The following KIF17 variants were observed in gnomAD, a reference collection of about 807,000 sequenced individuals.
KIF17 encodes kinesin family member 17, also known as kinesin-like protein KIF17.
In KIF17, 80 loss-of-function variants were observed where a neutral mutation model predicts 96.8. The ratio of observed to expected loss-of-function variants is 0.83; its 90% CI spans 0.69 to 1.00. KIF17 has a LOEUF of 1.00. KIF17 is among the 50% of genes least tolerant of loss of function. The pLI, the probability that KIF17 is intolerant of heterozygous loss-of-function variation, is 0.00. For missense variants in KIF17, 1,280 were observed against 1,372.9 expected (o/e 0.93, Z 1.07); for synonymous variants, 567 against 587.5 (o/e 0.97, Z 0.51).
intron 6 of KIF17, among the ~76,000 whole-genome samples, chr1:20,694,379 G>A (rs949595068): frequency 6.6e-6 from 1 of 152,206 alleles, no homozygotes; most frequent in Non-Finnish European, 1.5e-5. Flanking sequence ...CACCTGCGGA[G>A]CCAGTAAATG....
At chr1:20,708,410 C>T (rs544450093) in intron 4 of KIF17, among the ~76,000 whole-genome samples, 63 of 152,336 alleles carry the variant, frequency 4.1e-4, no homozygotes, top group African/African-American at 1.4e-3. Context: ...CCTCTCACCT[C>T]AGCCTCCCAA....
intron 5 of KIF17, among the ~76,000 whole-genome samples, chr1:20,698,859 G>T (rs956680979): frequency 1.3e-5 from 2 of 152,182 alleles, no homozygotes; most frequent in African/African-American, 4.8e-5. Flanking sequence ...AGCAAAATGG[G>T]TAACACGTTA....
chr1:20,694,182 C>T (rs2054094141), intron 6 of KIF17, among the ~76,000 whole-genome samples: 1 of 151,924 alleles, frequency 6.6e-6, no homozygotes. Flanking sequence ...ACTGTAACCT[C>T]CACCTCCCAG....
intron 6 of KIF17, among the ~76,000 whole-genome samples, chr1:20,690,780 A>G (rs1437154350): frequency 1.3e-5 from 2 of 151,154 alleles, no homozygotes; most frequent in South Asian, 2.1e-4. Flanking sequence ...TCTGCCTCCC[A>G]GGTTCACACC....
chr1:20,698,521 G>A (rs2054182186), intron 5 of KIF17, 33 bp from the exon 6 acceptor site: 2 of 1,415,178 alleles, frequency 1.4e-6, no homozygotes, highest in Non-Finnish European at 2.0e-6. Flanking sequence ...CAGCCAGGAT[G>A]AGGGGCACAT....
chr1:20,690,814 G>A (rs2054026246), intron 6 of KIF17, among the ~76,000 whole-genome samples: 2 of 151,836 alleles, frequency 1.3e-5, no homozygotes, highest in Admixed American at 1.3e-4. Context: ...AGCCTCCCAA[G>A]TAGCTGGGAC....
intron 11 of KIF17, among the ~76,000 whole-genome samples, chr1:20,680,573 AAAAAT>A: frequency 1.3e-5 from 2 of 151,804 alleles, no homozygotes; most frequent in African/African-American, 4.8e-5. Flanking sequence ...TGAGACTCTT[AAAAAT>A]AAGAAATAAA....
chr1:20,717,438 C>G, intron 1 of KIF17, 38 bp downstream of exon 1: 1 of 1,605,886 alleles, frequency 6.2e-7, no homozygotes, highest in Non-Finnish European at 8.5e-7. Flanking sequence ...CGGCCTCATG[C>G]CCTGCCGCCT....
rs762663001 is a variant in KIF17, at chr1:20,687,669, A to T, written c.1657T>A (p.Phe553Ile). The T allele has an allele frequency of 9.7e-5, 157 of 1,614,082 alleles. No individual in the cohort carries two copies. Among genetic ancestry groups the T allele is most frequent in the Non-Finnish European group, 1.3e-4 (148 of 1,180,056 alleles). ...SLEETSVSEA[F>I]PGPEEPSNVE... ...TTGGAGGGCTCCTCAGGCCCAGGGA[A>T]AGCCTCGGACACAGAGGTTTCTTCG... Residue 553 changes from phenylalanine to isoleucine, a missense_variant, in exon 8 of 15, where the codon TTC becomes ATC. Physicochemically the swap from Phe to Ile is conservative, Grantham distance 21. Transcript: ENST00000400463. The surrounding 1 kb of genome is among the most constrained non-coding windows in gnomAD (Gnocchi z 4.4).
rs2053930401 is a variant in KIF17, at chr1:20,685,995, G to A, written c.2019+51C>T. 4 of 1,407,824 alleles carry A rather than the reference G, an allele frequency of 2.8e-6. No individual in the cohort carries two copies. Among genetic ancestry groups the A allele is most frequent in the Non-Finnish European group, 3.9e-6 (4 of 1,016,282 alleles). The allele number at this position is 1,407,824 out of a possible 1,614,324, so 87.2% of individuals were successfully genotyped here. A position where few individuals can be genotyped will look rare whatever the true frequency, so the allele number is the denominator to read the frequency against. On this transcript the variant is annotated intron_variant, in intron 9 of 14. Transcript: ENST00000400463. This position sits in a 1 kb window ranked among gnomAD's most constrained non-coding sequence, Gnocchi z 4.1. ...GAGAAGACAAGCTGGAGTTTCCCAG[G>A]AAGTTGAAGAGAACCCCGTCCCCCA...
chr1:20,675,334 G>C (rs1317161338), intron 11 of KIF17, among the ~76,000 whole-genome samples: 1 of 151,006 alleles, frequency 6.6e-6, no homozygotes, highest in African/African-American at 2.4e-5. Context: ...TGTAGTCCCA[G>C]CTACTCGGGA....
rs539013496 is a variant in KIF17, at chr1:20,677,579, C to T, written c.2463+5074G>A. ...GTTGTCAAAGAATGAGGAGGCCAGGCGTAGTGGCTCACGTCTGTAATCCCA... is the reference window on the plus strand; with the variant it reads ...GTTGTCAAAGAATGAGGAGGCCAGGTGTAGTGGCTCACGTCTGTAATCCCA... On this transcript the variant is annotated intron_variant, in intron 11 of 14. Transcript: ENST00000400463. Among the ~76,000 whole-genome samples, 8 of 152,252 alleles carry T rather than the reference C, an allele frequency of 5.3e-5. No homozygotes were observed. In the East Asian group the frequency reaches 1.2e-3, roughly 22 times the overall value.
Position 20,682,820 on chromosome 1 carries a change from T to G in KIF17, c.2296A>C (p.Lys766Gln). The change falls in exon 11 of 15, where the codon AAG becomes CAG. Residue 766 changes from lysine (K) to glutamine (Q), a missense_variant. Physicochemically the swap from Lys to Gln is moderately conservative, Grantham distance 53 (BLOSUM62 1). Coordinates refer to ENST00000400463, the MANE Select transcript of KIF17 (RefSeq NM_001122819.3). ...EQAKNKDLKE[K>Q]HKRRKRYADE... ...GCGTAGCGCTTGCGCCGCTTGTGCTTCTCCTTCAGGTCCTTGTTCTTGGCC... is the reference window on the plus strand; with the variant it reads ...GCGTAGCGCTTGCGCCGCTTGTGCTGCTCCTTCAGGTCCTTGTTCTTGGCC... 1.2e-6 allele frequency: 2 copies of G among 1,612,648 alleles called. No individual in the cohort carries two copies. The highest frequency in any genetic ancestry group is 1.7e-6 in the Non-Finnish European group (2 of 1,180,034).
At chr1:20,713,103 C>T (rs2054506781) in intron 3 of KIF17, among the ~76,000 whole-genome samples, 1 of 149,834 alleles carries the variant, frequency 6.7e-6, no homozygotes, top group African/African-American at 2.5e-5. Flanking sequence ...TCAAGTGATT[C>T]TCCTGCCTTA....
chr1:20,710,090 T>A (rs2054411081), intron 3 of KIF17, among the ~76,000 whole-genome samples: 1 of 140,564 alleles, frequency 7.1e-6, no homozygotes, highest in African/African-American at 2.9e-5. Context: ...AAAATGGGCA[T>A]GAGACAGCTA....
At chr1:20,684,776 G>C in intron 10 of KIF17, 33 bp downstream of exon 10, 1 of 1,540,828 alleles carries the variant, frequency 6.5e-7, no homozygotes, top group South Asian at 1.2e-5. Flanking sequence ...ACCTCACCGT[G>C]GGGTCCCGCC....
Position 20,704,990 on chromosome 1 carries a change from A to C in KIF17, c.671-91T>G. The C allele has an allele frequency of 8.6e-7, 1 of 1,166,216 alleles. No individual in the cohort carries two copies. 72.2% of individuals were successfully genotyped at this position (1,166,216 alleles called of 1,614,324 possible). On this transcript the variant is annotated intron_variant, in intron 4 of 14. Coordinates refer to ENST00000400463, the MANE Select transcript of KIF17 (RefSeq NM_001122819.3). The surrounding 1 kb of genome is among the most constrained non-coding windows in gnomAD (Gnocchi z 6.8). ...GCCAGGCACTGGGTGCTCAATGCCC[A>C]CCCACCGAGGGTTCCCCTCAGCTGC...
chr1:20,662,841 C>A (rs1348413961), downstream of KIF17, among the ~76,000 whole-genome samples: 1 of 152,326 alleles, frequency 6.6e-6, no homozygotes, highest in South Asian at 2.1e-4. Context: ...CTCCTTACAC[C>A]CCCATCTTAA....
chr1:20,671,854 G>A, intron 12 of KIF17, 84 bp downstream of exon 12: 2 of 1,520,422 alleles, frequency 1.3e-6, no homozygotes, highest in Middle Eastern at 2.3e-4. Flanking sequence ...AGCCTGCAAG[G>A]AGAGGCCCAC....
Sources: allele counts gnomAD v4.1 joint callset (sites outside exome capture counted in the v4.1 genomes callset), GRCh38; gene constraint gnomAD v4.1.1; non-coding constraint Gnocchi (gnomAD v3.1); transcripts MANE v1.5; gene names NCBI Gene and HGNC (gene_info 2026-07-23, HGNC 2026-07-21).